Variants in CPXM1 observed in about 807,000 individuals in gnomAD.
CPXM1 encodes probable carboxypeptidase X1.
CPXM1 carries 72 observed loss-of-function variants against 80.4 expected under a neutral mutation model. That is an observed-to-expected ratio of 0.90 (90% CI 0.74 to 1.09). The LOEUF (loss-of-function observed/expected upper bound fraction) is 1.09, where lower values mean the gene tolerates loss of function less well. Among genes scored for constraint, CPXM1 ranks in the 50% least tolerant of loss-of-function variants. The pLI, the probability that CPXM1 is intolerant of heterozygous loss-of-function variation, is 0.00. For synonymous variants in CPXM1, 403 were observed against 405.6 expected, an observed-to-expected ratio of 0.99 and a Z score of 0.08; for missense variants, 892 against 999.4, an observed-to-expected ratio of 0.89 and a Z score of 1.45.
Position 2,796,775 on chromosome 20 carries a change from T to C in CPXM1, c.922-125A>G, listed in dbSNP as rs1274570312. 1.0e-5 allele frequency: 14 copies of C among 1,367,554 alleles called. No individual in the cohort carries two copies. The highest frequency in any genetic ancestry group is 1.4e-5 in the Non-Finnish European group (14 of 1,000,450). The allele number at this position is 1,367,554 out of a possible 1,614,324, so 84.7% of individuals were successfully genotyped here. ...ACACAGAGGGGGCATCCCATCATGG[T>C]ACAGGAGGGGAGCGGCAGCAGAGCC... On this transcript the variant is annotated intron_variant, in intron 7 of 13. Transcript: ENST00000380605. This position sits in a 1 kb window ranked among gnomAD's most constrained non-coding sequence, Gnocchi z 6.8.
At position 2,795,600 on chromosome 20, in the gene CPXM1, C is replaced by A; in HGVS notation, c.1719G>T (p.Gly573=). The change falls in exon 11 of 14, where the codon GGG becomes GGT. Residue 573 remains glycine (G), a splice_region_variant and synonymous_variant. Transcript: ENST00000380605. This position sits in a 1 kb window ranked among gnomAD's most constrained non-coding sequence, Gnocchi z 5.4. ...CTAACTCCACCCTCAGGCACATACT[C>A]CCGGGGACCGTGTGCCAGTCAGCCC... The part of the protein sequence containing the change: ...INGADWHTVP[G]SMNDFSYLHT... 1 of 1,612,974 alleles carries A rather than the reference C, an allele frequency of 6.2e-7. No homozygotes were observed. The highest frequency in any genetic ancestry group is 8.5e-7 in the Non-Finnish European group (1 of 1,179,146).
At chr20:2,799,322 G>A (rs1250344435) in intron 1 of CPXM1, among the ~76,000 whole-genome samples, 1 of 152,108 alleles carries the variant, frequency 6.6e-6, no homozygotes, top group Non-Finnish European at 1.5e-5. Flanking sequence ...CCTTTCCAAG[G>A]AGGCTTTCTT....
In CPXM1 at chr20:2,797,989, G is replaced by T. The variant is rs1407738953; in HGVS notation, c.660C>A (p.Asn220Lys). 1 of 1,613,944 alleles carries T rather than the reference G, an allele frequency of 6.2e-7. No homozygotes were observed. The highest frequency in any genetic ancestry group is 1.3e-5 in the African/African-American group (1 of 74,942). ...TCACTGCGTCCATCCCACTGCTGTG[G>T]TTCCTACTTCCCCACCAGGTCCGAC... is the stretch of plus-strand genomic sequence containing the variant. ...NDSRTWWGSR[N>K]HSSGMDAVFP... Residue 220 changes from asparagine to lysine, a missense_variant, in exon 5 of 14, where the codon AAC becomes AAA. This residue lies in a region of CPXM1 where 874 missense variants were observed against 958.4 expected (regional missense o/e 0.91). Coordinates refer to ENST00000380605, the MANE Select transcript of CPXM1 (RefSeq NM_019609.5).
At position 2,796,244 on chromosome 20, in the gene CPXM1, T is replaced by C. The variant is rs1171605390; in HGVS notation, c.1242+3A>G. On this transcript the variant is annotated splice_donor_region_variant and intron_variant, in intron 9 of 13. Coordinates refer to ENST00000380605, the MANE Select transcript of CPXM1 (RefSeq NM_019609.5). This position sits in a 1 kb window ranked among gnomAD's most constrained non-coding sequence, Gnocchi z 6.8. ...AGAGTGGCCCTCATGCTGGGTGGCC[T>C]ACCCGGTGGTAGGCGATCTCATAGC... The C allele has an allele frequency of 1.2e-6, 2 of 1,613,154 alleles. No individual in the cohort carries two copies. Among genetic ancestry groups the C allele is most frequent in the Middle Eastern group, 1.7e-4 (1 of 6,058 alleles).
chr20:2,795,302 T>C lies in CPXM1; in HGVS notation c.1835A>G (p.Asp612Gly). 6.2e-7 allele frequency: 1 copy of C among 1,613,940 alleles called. No homozygotes were observed. Among genetic ancestry groups the C allele is most frequent in the Non-Finnish European group, 8.5e-7 (1 of 1,179,974 alleles). Residue 612 changes from aspartate (D) to glycine (G), a missense_variant, in exon 12 of 14, where the codon GAC becomes GGC. Around this residue, in one of 2 missense-constraint regions of CPXM1, gnomAD observed 874 missense variants for 958.4 expected, o/e 0.91. Transcript: ENST00000380605. The surrounding 1 kb of genome is among the most constrained non-coding windows in gnomAD (Gnocchi z 5.4). ...ELPQEWENNK[D>G]ALLTYLEQVR... ...CTGCTCCAGGTAGGTGAGGAGGGCGTCTTTGTTGTTCTCCCACTCCTGGGG... is the reference window on the plus strand; with the variant it reads ...CTGCTCCAGGTAGGTGAGGAGGGCGCCTTTGTTGTTCTCCCACTCCTGGGG...
Position 2,795,697 on chromosome 20 carries a change from A to C in CPXM1, c.1622T>G (p.Leu541Arg). Reference protein sequence around the residue: ...WLSTVYAGSNLAMQDTSRRPC... With the variant: ...WLSTVYAGSNRAMQDTSRRPC... ...TCGGCGGCTGGTGTCCTGCATGGCC[A>C]GATTACTGCCAGCATAGACAGTGCT... The change falls in exon 11 of 14, where the codon CTG becomes CGG. Residue 541 changes from leucine to arginine, a missense_variant. By Grantham distance (102) the Leu-to-Arg change is moderately radical (BLOSUM62 -2). Transcript: ENST00000380605. The surrounding 1 kb of genome is among the most constrained non-coding windows in gnomAD (Gnocchi z 5.4). The C allele has an allele frequency of 6.2e-7, 1 of 1,614,026 alleles. No individual in the cohort carries two copies. The highest frequency in any genetic ancestry group is 8.5e-7 in the Non-Finnish European group (1 of 1,180,016).
At position 2,798,544 on chromosome 20, in the gene CPXM1, C is replaced by T. The variant is rs190275577; in HGVS notation, c.341-7G>A. 3.2e-4 allele frequency: 510 copies of T among 1,611,768 alleles called. 2 individuals are homozygous for T. In the African/African-American group the frequency reaches 6.0e-3, roughly 19 times the overall value. ...AGACCCAAAGGAGGACAGCCTGGGGCGGGGATAGAACAGTGAGACAGGACC... is the reference window on the plus strand; with the variant it reads ...AGACCCAAAGGAGGACAGCCTGGGGTGGGGATAGAACAGTGAGACAGGACC... On this transcript the variant is annotated splice_region_variant and splice_polypyrimidine_tract_variant and intron_variant, in intron 2 of 13. Coordinates refer to ENST00000380605, the MANE Select transcript of CPXM1 (RefSeq NM_019609.5).
Position 2,798,712 on chromosome 20 carries a change from T to G in CPXM1, c.340+14A>C, listed in dbSNP as rs781212997. 2.4e-5 allele frequency: 39 copies of G among 1,606,918 alleles called. No homozygotes were observed. Among genetic ancestry groups the G allele is most frequent in the Non-Finnish European group, 1.8e-5 (21 of 1,176,336 alleles). On this transcript the variant is annotated intron_variant, in intron 2 of 13. Coordinates refer to ENST00000380605, the MANE Select transcript of CPXM1 (RefSeq NM_019609.5). ...GGGCTGCAAGTCTGGGCTGGGCCCC[T>G]GGAGAGGAAGTACCTGTTTCTTGTT...
chr20:2,794,518 C>A lies in CPXM1; in HGVS notation c.1963+19G>T, dbSNP rs573656011. ...TCCAGCCCTCCAGCCCCTTCCCTTG[C>A]CCTCCCGGTCAAACACACCCGTGGT... On this transcript the variant is annotated intron_variant, in intron 13 of 13. Transcript: ENST00000380605. The surrounding 1 kb of genome is among the most constrained non-coding windows in gnomAD (Gnocchi z 5.2). The A allele has an allele frequency of 1.5e-5, 24 of 1,613,844 alleles. No individual in the cohort carries two copies. The East Asian group carries it at 5.1e-4, about 34-fold the overall frequency.
chr20:2,798,204 G>GC lies in CPXM1; in HGVS notation c.537dup (p.His180AlafsTer20), dbSNP rs1182725623. 1 of 1,613,844 alleles carries GC rather than the reference G, an allele frequency of 6.2e-7. No homozygotes were observed. The highest frequency in any genetic ancestry group is 8.5e-7 in the Non-Finnish European group (1 of 1,180,036). ...ATAACACCCGAGAAGCGGGTGGGGT[G>GC]CCCAGCGTCCACCTGAAACCATGGA... On this transcript the variant is annotated frameshift_variant, in exon 4 of 14. Coordinates refer to ENST00000380605, the MANE Select transcript of CPXM1 (RefSeq NM_019609.5). LOFTEE classifies it high-confidence loss of function.
Position 2,796,210 on chromosome 20 carries a change from CAGA to C in CPXM1, c.1242+34_1242+36del, listed in dbSNP as rs768788173. On this transcript the variant is annotated intron_variant, in intron 9 of 13. Coordinates refer to ENST00000380605, the MANE Select transcript of CPXM1 (RefSeq NM_019609.5). The surrounding 1 kb of genome is among the most constrained non-coding windows in gnomAD (Gnocchi z 6.8). ...AGTCGAGCAGGTCCAGCCACCAGGG[CAGA>C]AGGACAGAGTGGCCCTCATGCTGGG... The C allele has an allele frequency of 4.3e-6, 7 of 1,609,652 alleles. No individual in the cohort carries two copies. In the Admixed American group the frequency reaches 8.4e-5, roughly 19 times the overall value.
Position 2,798,259 on chromosome 20 carries a change from T to C in CPXM1, c.483A>G (p.Gly161=). The C allele has an allele frequency of 6.2e-7, 1 of 1,613,906 alleles. No homozygotes were observed. Among genetic ancestry groups the C allele is most frequent in the Non-Finnish European group, 8.5e-7 (1 of 1,180,026 alleles). The stretch of plus-strand genomic sequence containing the variant: ...CGTCCTGCTCCTCAGCACACCAGGC[T>C]CCATCATATAGATCGCCGTCCTCCA... The part of the protein sequence containing the change: ...SGLEDGDLYD[G]AWCAEEQDAD... The change falls in exon 4 of 14, where the codon GGA becomes GGG. Residue 161 remains glycine (G), a synonymous_variant. Coordinates refer to ENST00000380605, the MANE Select transcript of CPXM1 (RefSeq NM_019609.5).
Position 2,796,461 on chromosome 20 carries a change from C to T in CPXM1, c.1046-18G>A. ...AGGCTCCCCTGGGGACACATGGGGG[C>T]TTGCAGCGGGTTCATGCCTGGGGCC... is the stretch of plus-strand genomic sequence containing the variant. On this transcript the variant is annotated intron_variant, in intron 8 of 13. Coordinates refer to ENST00000380605, the MANE Select transcript of CPXM1 (RefSeq NM_019609.5). The surrounding 1 kb of genome is among the most constrained non-coding windows in gnomAD (Gnocchi z 6.8). 1 of 1,613,488 alleles carries T rather than the reference C, an allele frequency of 6.2e-7. No homozygotes were observed. Among genetic ancestry groups the T allele is most frequent in the Non-Finnish European group, 8.5e-7 (1 of 1,179,602 alleles).
At chr20:2,800,037 G>A (rs34211052) in intron 1 of CPXM1, among the ~76,000 whole-genome samples, 12,128 of 152,258 alleles carry the variant, frequency 0.08, 632 homozygotes, top group East Asian at 0.18. Flanking sequence ...GGGCTGCCGA[G>A]TCAGCAGCCA....
At position 2,796,740 on chromosome 20, in the gene CPXM1, G is replaced by A; in HGVS notation, c.922-90C>T. 6.5e-7 allele frequency: 1 copy of A among 1,540,042 alleles called. No homozygotes were observed. ...TGCCATGGAAAGACTTAAAAAGTCA[G>A]CGATGGCCCACACAGAGGGGGCATC... On this transcript the variant is annotated intron_variant, in intron 7 of 13. Transcript: ENST00000380605. This position sits in a 1 kb window ranked among gnomAD's most constrained non-coding sequence, Gnocchi z 6.8.
At chr20:2,799,949 G>A (rs2088550278) in intron 1 of CPXM1, among the ~76,000 whole-genome samples, 1 of 152,216 alleles carries the variant, frequency 6.6e-6, no homozygotes, top group South Asian at 2.1e-4. Flanking sequence ...GGTGAAAAGG[G>A]AAGGTTTGGG....
Position 2,800,455 on chromosome 20 carries a change from A to C in CPXM1, c.118T>G (p.Ser40Ala), listed in dbSNP as rs1020907511. The C allele has an allele frequency of 2.8e-4, 414 of 1,492,630 alleles. 1 individual carries two copies. The highest frequency in any genetic ancestry group is 1.4e-3 in the Middle Eastern group (7 of 5,178). The allele number at this position is 1,492,630 out of a possible 1,614,324, so 92.5% of individuals were successfully genotyped here. A position where few individuals can be genotyped will look rare whatever the true frequency, so the allele number is the denominator to read the frequency against. Reference protein sequence around the residue: ...AQPGTTKVPGSTPALHSSPAQ... With the variant: ...AQPGTTKVPGATPALHSSPAQ... The stretch of plus-strand genomic sequence containing the variant: ...GGGCTGCTATGCAGGGCCGGGGTCG[A>C]GCCTGGGACCTTGGTGGTCCCGGGC... Residue 40 changes from serine (S) to alanine (A), a missense_variant, in exon 1 of 14, where the codon TCG becomes GCG. By Grantham distance (99) the Ser-to-Ala change is moderately conservative. This residue lies in a region of CPXM1 where 874 missense variants were observed against 958.4 expected (regional missense o/e 0.91). Transcript: ENST00000380605.
In CPXM1 at chr20:2,795,551, A is replaced by T; in HGVS notation, c.1720+48T>A. On this transcript the variant is annotated intron_variant, in intron 11 of 13. Transcript: ENST00000380605. This position sits in a 1 kb window ranked among gnomAD's most constrained non-coding sequence, Gnocchi z 5.4. ...GTACGCAACCGCAGGCTGTCTTATC[A>T]GGGCGGGGGTTACGGGGCCAGGGCT... The T allele has an allele frequency of 6.3e-7, 1 of 1,595,268 alleles. No homozygotes were observed. The highest frequency in any genetic ancestry group is 8.6e-7 in the Non-Finnish European group (1 of 1,167,574).
chr20:2,798,157 G>T lies in CPXM1; in HGVS notation c.585C>A (p.Val195=). 6.2e-7 allele frequency: 1 copy of T among 1,613,982 alleles called. No individual in the cohort carries two copies. The highest frequency in any genetic ancestry group is 1.1e-5 in the South Asian group (1 of 91,066). The part of the protein sequence containing the change: ...SGVITQGRNS[V]WRYDWVTSYK... ...CTAGGGTTAGTCTGCCTCACCTCCA[G>T]ACAGAGTTCCTGCCCTGTGTGATAA... The change falls in exon 4 of 14, where the codon GTC becomes GTA. Residue 195 remains valine (V), a synonymous_variant. Transcript: ENST00000380605.
Sources: allele counts gnomAD v4.1 joint callset (sites outside exome capture counted in the v4.1 genomes callset), GRCh38; gene constraint gnomAD v4.1.1; regional missense constraint gnomAD v4.1.1; non-coding constraint Gnocchi (gnomAD v3.1); transcripts MANE v1.5; gene names NCBI Gene and HGNC (gene_info 2026-07-23, HGNC 2026-07-21).